CYP27C1: variants seen among roughly 807,000 people sequenced by gnomAD.
The protein encoded by CYP27C1 is cytochrome P450 family 27 subfamily C member 1.
Under a neutral mutation model 40.6 loss-of-function variants are expected in CYP27C1, and 29 were observed. That is an observed-to-expected ratio of 0.71 (90% confidence interval 0.53 to 0.97). CYP27C1 has a LOEUF of 0.97. Among genes scored for constraint, CYP27C1 ranks in the 50% least tolerant of loss-of-function variants. CYP27C1 has a pLI of 0.00. For missense variants in CYP27C1, 390 were observed against 485.8 expected, an observed-to-expected ratio of 0.80 and a Z score of 1.85; for synonymous variants, 198 against 186.8, an observed-to-expected ratio of 1.06 and a Z score of -0.49.
chr2:127,209,997 A>C lies in CYP27C1; in HGVS notation c.283-3907T>G, dbSNP rs962871485. Among the ~76,000 whole-genome samples, 7 of 152,216 alleles carry C rather than the reference A, an allele frequency of 4.6e-5. No individual in the cohort carries two copies. Among genetic ancestry groups the C allele is most frequent in the South Asian group, 2.1e-4 (1 of 4,824 alleles). On this transcript the variant is annotated intron_variant, in intron 1 of 8. Coordinates refer to ENST00000664447, the MANE Select transcript of CYP27C1 (RefSeq NM_001367502.1). The surrounding 1 kb of genome is among the most constrained non-coding windows in gnomAD (Gnocchi z 4.1). The stretch of plus-strand genomic sequence containing the variant: ...CCTAGCAAGACAGGCCAACATGCAA[A>C]TTCAGAAAATACAGAGAACACCATT...
Position 127,208,970 on chromosome 2 carries a change from C to T in CYP27C1, c.283-2880G>A, listed in dbSNP as rs1256090213. 6.6e-6 allele frequency among the ~76,000 whole-genome samples: 1 copy of T among 152,156 alleles called. No homozygotes were observed. Among genetic ancestry groups the T allele is most frequent in the Non-Finnish European group, 1.5e-5 (1 of 68,016 alleles). ...GCAATCCAGACTAGTGGGTTTCCCC[C>T]AAGCAAAACACACCCTCCCCACCAA... is the stretch of plus-strand genomic sequence containing the variant. On this transcript the variant is annotated intron_variant, in intron 1 of 8. Transcript: ENST00000664447. This position sits in a 1 kb window ranked among gnomAD's most constrained non-coding sequence, Gnocchi z 5.2.
intron 5 of CYP27C1, among the ~76,000 whole-genome samples, chr2:127,197,192 C>T (rs546388911): frequency 4.6e-5 from 7 of 152,092 alleles, no homozygotes; most frequent in East Asian, 3.8e-4. Context: ...TTAATTTGAG[C>T]GAATCCACAC....
In CYP27C1 at chr2:127,208,965, TC is replaced by T. The variant is rs1369244710; in HGVS notation, c.283-2876del. On this transcript the variant is annotated intron_variant, in intron 1 of 8. Coordinates refer to ENST00000664447, the MANE Select transcript of CYP27C1 (RefSeq NM_001367502.1). The surrounding 1 kb of genome is among the most constrained non-coding windows in gnomAD (Gnocchi z 5.2). ...TCCAGGCAATCCAGACTAGTGGGTT[TC>T]CCCCAAGCAAAACACACCCTCCCCA... 6.6e-6 allele frequency among the ~76,000 whole-genome samples: 1 copy of T among 152,060 alleles called. No homozygotes were observed. Among genetic ancestry groups the T allele is most frequent in the African/African-American group, 2.4e-5 (1 of 41,408 alleles).
chr2:127,204,524 A>G (rs1227693114), intron 2 of CYP27C1, among the ~76,000 whole-genome samples: 9 of 40,738 alleles, frequency 2.2e-4, no homozygotes, highest in Admixed American at 6.6e-4. Context: ...AAGGAAAGAA[A>G]GAAAGAAAGA....
intron 8 of CYP27C1, among the ~76,000 whole-genome samples, chr2:127,189,332 A>G (rs910038454): frequency 1.3e-5 from 2 of 152,060 alleles, no homozygotes. Flanking sequence ...GCCTTCAGGC[A>G]TGTTCCTGTA....
chr2:127,189,167 T>TAC, intron 8 of CYP27C1, among the ~76,000 whole-genome samples: 1 of 16,246 alleles, frequency 6.2e-5, no homozygotes, highest in African/African-American at 8.7e-5. Context: ...CAAAAAACAC[T>TAC]GCCCCCCCCC....
rs371826841 is a variant in CYP27C1, at chr2:127,211,369, G to GTTT, written c.283-5282_283-5280dup. Among the ~76,000 whole-genome samples the GTTT allele has an allele frequency of 2.4e-3, 231 of 94,938 alleles. 4 individuals carry two copies. The highest frequency in any genetic ancestry group is 3.5e-3 in the African/African-American group (82 of 23,288). The allele number at this position is 94,938 out of a possible 152,430, so 62.3% of individuals were successfully genotyped here. A position where few individuals can be genotyped will look rare whatever the true frequency, so the allele number is the denominator to read the frequency against. ...GATACAGCTAAAGCAGTGTTTTTTTGTTTTTTTTTTTTTTTTTTTTTTTTT... is the reference window on the plus strand; with the variant it reads ...GATACAGCTAAAGCAGTGTTTTTTTGTTTTTTTTTTTTTTTTTTTTTTTTTTTT... On this transcript the variant is annotated intron_variant, in intron 1 of 8. Coordinates refer to ENST00000664447, the MANE Select transcript of CYP27C1 (RefSeq NM_001367502.1).
At chr2:127,191,410 A>G (rs2104674234) in intron 8 of CYP27C1, among the ~76,000 whole-genome samples, 1 of 152,312 alleles carries the variant, frequency 6.6e-6, no homozygotes, top group South Asian at 2.1e-4. Context: ...CCTCTTGCTC[A>G]GGTGTCTACC....
At chr2:127,207,074 A>G (rs1269846577) in intron 1 of CYP27C1, among the ~76,000 whole-genome samples, 2 of 152,248 alleles carry the variant, frequency 1.3e-5, no homozygotes, top group Non-Finnish European at 2.9e-5. Context: ...AGAATACAAT[A>G]CTTGACCAGC....
rs1682883014 is a variant in CYP27C1 at position 127,195,550 on chromosome 2, G to A, written c.1048-49C>T. 1.3e-6 allele frequency: 2 copies of A among 1,594,442 alleles called. No individual in the cohort carries two copies. The highest frequency in any genetic ancestry group is 1.7e-6 in the Non-Finnish European group (2 of 1,167,152). On this transcript the variant is annotated intron_variant, in intron 5 of 8. Coordinates refer to ENST00000664447, the MANE Select transcript of CYP27C1 (RefSeq NM_001367502.1). This position sits in a 1 kb window ranked among gnomAD's most constrained non-coding sequence, Gnocchi z 6.2. ...CAGGCAGGCAGTGAGTAACACCAGG[G>A]ACTGAAACAGAGGCGGTGGCAGGTA...
Position 127,193,834 on chromosome 2 carries a change from G to T in CYP27C1, c.1248C>A (p.Val416=), listed in dbSNP as rs1431434942. Residue 416 remains valine (V), a synonymous_variant, in exon 7 of 9, where the codon GTC becomes GTA. Coordinates refer to ENST00000664447, the MANE Select transcript of CYP27C1 (RefSeq NM_001367502.1). ...LFPVLPGNGR[V]TQEDLVIGGY... is the part of the protein sequence containing the mutation. The stretch of plus-strand genomic sequence containing the variant: ...CGCCAATAACCAGGTCTTCCTGGGT[G>T]ACCCGGCCGTTCCCTGGCAGCACTG... 1.1e-5 allele frequency: 17 copies of T among 1,614,090 alleles called. No homozygotes were observed. The highest frequency in any genetic ancestry group is 1.4e-5 in the Non-Finnish European group (17 of 1,180,046).
At chr2:127,197,226 G>A (rs2134797) in intron 5 of CYP27C1, among the ~76,000 whole-genome samples, 4 of 152,172 alleles carry the variant, frequency 2.6e-5, no homozygotes. Flanking sequence ...TAGTTAATTA[G>A]AATTCTCATT....
intron 2 of CYP27C1, among the ~76,000 whole-genome samples, chr2:127,204,012 C>A (rs1451117236): frequency 6.6e-6 from 1 of 151,564 alleles, no homozygotes; most frequent in Non-Finnish European, 1.5e-5. Context: ...TGCCTGTAAT[C>A]CCAGCACTTT....
rs1016352066 is a variant in CYP27C1, at chr2:127,218,620, T to C, written c.282+1369A>G. On this transcript the variant is annotated intron_variant, in intron 1 of 8. Coordinates refer to ENST00000664447, the MANE Select transcript of CYP27C1 (RefSeq NM_001367502.1). This position sits in a 1 kb window ranked among gnomAD's most constrained non-coding sequence, Gnocchi z 6.0. Reference sequence around the variant, plus strand: ...TTTTCCATTAATGAGGGTTGGGGCTTCTCCCTCACGTTCATTGACTGAATG... The same window carrying C: ...TTTTCCATTAATGAGGGTTGGGGCTCCTCCCTCACGTTCATTGACTGAATG... 3.9e-5 allele frequency among the ~76,000 whole-genome samples: 6 copies of C among 152,174 alleles called. No homozygotes were observed. Among genetic ancestry groups the C allele is most frequent in the African/African-American group, 1.4e-4 (6 of 41,438 alleles).
In CYP27C1 at chr2:127,193,087, G is replaced by A. The variant is rs368661226; in HGVS notation, c.1497+7C>T. On this transcript the variant is annotated splice_region_variant and intron_variant, in intron 8 of 8. Coordinates refer to ENST00000664447, the MANE Select transcript of CYP27C1 (RefSeq NM_001367502.1). The stretch of plus-strand genomic sequence containing the variant: ...CCAAAGGCCAACGTTTGGCCTCCAC[G>A]CCCTACCTGGATCACGACGAGGTGA... The A allele has an allele frequency of 2.7e-5, 44 of 1,613,854 alleles. No individual in the cohort carries two copies. Among genetic ancestry groups the A allele is most frequent in the East Asian group, 2.0e-4 (9 of 44,894 alleles).
intron 2 of CYP27C1, among the ~76,000 whole-genome samples, chr2:127,204,847 C>T (rs1027410250): frequency 6.6e-6 from 1 of 152,084 alleles, no homozygotes; most frequent in African/African-American, 2.4e-5. Flanking sequence ...CCTCAAGTGC[C>T]CACGAGCGTC....
At position 127,211,386 on chromosome 2, in the gene CYP27C1, T is replaced by TG. The variant is rs1196615176; in HGVS notation, c.283-5297_283-5296insC. Among the ~76,000 whole-genome samples the TG allele has an allele frequency of 3.2e-5, 4 of 125,022 alleles. No individual in the cohort carries two copies. In the East Asian group the frequency reaches 9.2e-4, roughly 29 times the overall value. The allele number at this position is 125,022 out of a possible 152,430, so 82.0% of individuals were successfully genotyped here. ...GTTTTTTTGTTTTTTTTTTTTTTTT[T>TG]TTTTTTTTTTTTTTGAGATGGAGTC... On this transcript the variant is annotated intron_variant, in intron 1 of 8. Coordinates refer to ENST00000664447, the MANE Select transcript of CYP27C1 (RefSeq NM_001367502.1).
chr2:127,211,018 A>G (rs760725804), intron 1 of CYP27C1, among the ~76,000 whole-genome samples: 5 of 152,230 alleles, frequency 3.3e-5, no homozygotes, highest in Non-Finnish European at 5.9e-5. Flanking sequence ...AAGTGGACCT[A>G]GTAGATGTCT....
intron 7 of CYP27C1, among the ~76,000 whole-genome samples, 153 bp from the exon 8 acceptor site, chr2:127,193,450 C>G (rs561791249): frequency 6.6e-6 from 1 of 152,208 alleles, no homozygotes; most frequent in African/African-American, 2.4e-5. Flanking sequence ...CCGCTCCCCC[C>G]TTCCCACTCC....
Sources: gnomAD v4.1 joint callset for allele counts (sites outside exome capture counted in the v4.1 genomes callset) on GRCh38, gnomAD v4.1.1 for gene constraint, Gnocchi (gnomAD v3.1) non-coding constraint, MANE v1.5 for transcripts, NCBI Gene and HGNC (gene_info 2026-07-23, HGNC 2026-07-21) for gene names.